DLGAP2: variants seen among roughly 807,000 people sequenced by gnomAD.
DLGAP2 encodes DLG associated protein 2.
DLGAP2 carries 26 observed loss-of-function variants against 100.3 expected under a neutral mutation model. The ratio of observed to expected loss-of-function variants is 0.26; its 90% CI spans 0.19 to 0.36. The LOEUF (loss-of-function observed/expected upper bound fraction) is 0.36, where lower values mean the gene tolerates loss of function less well. Ranked by LOEUF, DLGAP2 falls within the 10% of genes least tolerant of loss-of-function variation. The probability of loss-of-function intolerance (pLI) is 1.00; values close to 1 mark genes in which losing one functional copy is unlikely to be tolerated. For synonymous variants in DLGAP2, 886 were observed against 630.1 expected (o/e 1.41, Z -6.08); for missense variants, 1,858 against 1,453.2 (o/e 1.28, Z -4.53).
intron 3 of DLGAP2, chr8:1,369,123 C>A (rs929219834): frequency 2.6e-5 from 4 of 152,160 alleles, no homozygotes; most frequent in Non-Finnish European, 5.9e-5. Context: ...CATTGGAATT[C>A]CACAGTTCTA....
intron 1 of DLGAP2, among the ~76,000 whole-genome samples, chr8:853,190 C>A (rs1470016282): frequency 6.6e-6 from 1 of 152,156 alleles, no homozygotes; most frequent in Admixed American, 6.5e-5. Context: ...AGCTGCAGGA[C>A]AGCTGTGAGT....
intron 2 of DLGAP2, among the ~76,000 whole-genome samples, chr8:973,307 C>T (rs1250657801): frequency 6.6e-6 from 1 of 151,184 alleles, no homozygotes; most frequent in Non-Finnish European, 1.5e-5. Context: ...TGTCCCCCCA[C>T]CTCCCAGACA....
intron 2 of DLGAP2, among the ~76,000 whole-genome samples, chr8:989,344 T>C (rs1461416972): frequency 1.3e-5 from 2 of 152,172 alleles, no homozygotes; most frequent in African/African-American, 4.8e-5. Flanking sequence ...GGAGGGGCTG[T>C]CTTCGGGTTT....
intron 1 of DLGAP2, among the ~76,000 whole-genome samples, chr8:837,464 A>T (rs930329648): frequency 6.6e-6 from 1 of 152,158 alleles, no homozygotes; most frequent in Admixed American, 6.5e-5. Context: ...TTAAAAAATT[A>T]TTTCTCAGAA....
At position 1,626,045 on chromosome 8, in the gene DLGAP2, G is replaced by T. The variant is rs113279010; in HGVS notation, c.1443-695G>T. Among the ~76,000 whole-genome samples, 463 of 122,096 alleles carry T rather than the reference G, an allele frequency of 3.8e-3. 62 individuals are homozygous for T. The highest frequency in any genetic ancestry group is 0.018 in the African/African-American group (421 of 23,954). 80.1% of individuals were successfully genotyped at this position (122,096 alleles called of 152,430 possible). A position where few individuals can be genotyped will look rare whatever the true frequency, so the allele number is the denominator to read the frequency against. ...TGTGGCGGGTGCTCAGCCTCTGGGT[G>T]TGGGTTGGATGGCTTTCCCATCTCT... On this transcript the variant is annotated intron_variant, in intron 6 of 14. Coordinates refer to ENST00000637795, the MANE Select transcript of DLGAP2 (RefSeq NM_001346810.2).
chr8:979,013 C>T (rs138601952), intron 2 of DLGAP2, among the ~76,000 whole-genome samples: 21 of 152,232 alleles, frequency 1.4e-4, no homozygotes, highest in African/African-American at 4.1e-4. Flanking sequence ...GGTCACTCCC[C>T]AGCTTGTTCC....
chr8:1,420,730 C>CA (rs904066530), intron 3 of DLGAP2, among the ~76,000 whole-genome samples: 9 of 152,150 alleles, frequency 5.9e-5, no homozygotes, highest in African/African-American at 2.2e-4. Context: ...AAATCTATCA[C>CA]ATAACTCAGC....
intron 3 of DLGAP2, among the ~76,000 whole-genome samples, chr8:1,326,654 G>C (rs144822034): frequency 6.6e-6 from 1 of 152,230 alleles, no homozygotes; most frequent in African/African-American, 2.4e-5. Flanking sequence ...CGAGCTCTTA[G>C]TCTTGGTCTG....
intron 2 of DLGAP2, among the ~76,000 whole-genome samples, chr8:1,177,840 C>G (rs1797294763): frequency 6.6e-6 from 1 of 152,146 alleles, no homozygotes. Flanking sequence ...TCATCATCTC[C>G]CAAGGGCCCC....
chr8:915,702 A>C (rs1798577757), intron 2 of DLGAP2, among the ~76,000 whole-genome samples: 1 of 152,190 alleles, frequency 6.6e-6, no homozygotes, highest in South Asian at 2.1e-4. Flanking sequence ...ATGTGTGGTC[A>C]TTTGTTAAAT....
intron 2 of DLGAP2, among the ~76,000 whole-genome samples, chr8:1,040,081 CAGCTCG>C (rs1802282796): frequency 6.7e-6 from 1 of 149,362 alleles, no homozygotes; most frequent in Non-Finnish European, 1.5e-5. Flanking sequence ...TTTCCGTGGT[CAGCTCG>C]GTTTCCGTGG....
At chr8:1,435,518 G>A (rs577899303) in intron 3 of DLGAP2, among the ~76,000 whole-genome samples, 19 of 152,282 alleles carry the variant, frequency 1.2e-4, no homozygotes, top group Admixed American at 3.3e-4. Context: ...GCCACCGTAC[G>A]GAAGTGTAGC....
rs192448875 is a variant in DLGAP2 at position 1,637,247 on chromosome 8, T to C, written c.1810+4201T>C. On this transcript the variant is annotated intron_variant, in intron 8 of 14. Coordinates refer to ENST00000637795, the MANE Select transcript of DLGAP2 (RefSeq NM_001346810.2). Reference sequence around the variant, plus strand: ...TGCGGAGTTAAAATAAAACACGCTATATGGGGAAAGGCTTTGGGAAGGACA... The same window carrying C: ...TGCGGAGTTAAAATAAAACACGCTACATGGGGAAAGGCTTTGGGAAGGACA... 9.2e-5 allele frequency among the ~76,000 whole-genome samples: 14 copies of C among 152,202 alleles called. No individual in the cohort carries two copies. The East Asian group carries it at 2.7e-3, about 29-fold the overall frequency.
At chr8:1,127,334 C>A (rs754650749) in intron 2 of DLGAP2, among the ~76,000 whole-genome samples, 1 of 151,968 alleles carries the variant, frequency 6.6e-6, no homozygotes, top group South Asian at 2.1e-4. Context: ...CATGAGGGGT[C>A]ATGGAACGGG....
At chr8:1,154,526 A>C (rs1408026148) in intron 2 of DLGAP2, among the ~76,000 whole-genome samples, 1 of 152,226 alleles carries the variant, frequency 6.6e-6, no homozygotes, top group East Asian at 1.9e-4. Context: ...AAAACTGAGA[A>C]ACTAAATTAA....
intron 2 of DLGAP2, among the ~76,000 whole-genome samples, chr8:995,942 G>C (rs1800771565): frequency 6.6e-6 from 1 of 152,132 alleles, no homozygotes; most frequent in Non-Finnish European, 1.5e-5. Flanking sequence ...TTTGGCTGTA[G>C]TGCAGGCAGG....
chr8:883,530 C>T (rs953069924), intron 1 of DLGAP2, among the ~76,000 whole-genome samples: 1 of 151,934 alleles, frequency 6.6e-6, no homozygotes, highest in Non-Finnish European at 1.5e-5. Flanking sequence ...AAAAAAAAAC[C>T]CAGGATACAT....
chr8:899,383 G>T (rs1798207842), intron 1 of DLGAP2, among the ~76,000 whole-genome samples: 1 of 152,228 alleles, frequency 6.6e-6, no homozygotes, highest in Non-Finnish European at 1.5e-5. Context: ...ACGCTGCTGA[G>T]AAGGGCCTCA....
intron 2 of DLGAP2, among the ~76,000 whole-genome samples, chr8:1,086,419 G>A (rs936783815): frequency 1.3e-5 from 2 of 152,096 alleles, no homozygotes; most frequent in Non-Finnish European, 2.9e-5. Flanking sequence ...GGCCTTTGTT[G>A]TATTGAGGTA....
Sources: gnomAD v4.1 joint callset for allele counts (sites outside exome capture counted in the v4.1 genomes callset) on GRCh38, gnomAD v4.1.1 for gene constraint, MANE v1.5 for transcripts, NCBI Gene and HGNC (gene_info 2026-07-23, HGNC 2026-07-21) for gene names.